HNRNPR: variants seen among roughly 807,000 people sequenced by gnomAD.
The protein encoded by HNRNPR is heterogeneous nuclear ribonucleoprotein R.
In HNRNPR, 4 loss-of-function variants were observed where a neutral mutation model predicts 70.3. The ratio of observed to expected loss-of-function variants is 0.06; its 90% CI spans 0.03 to 0.13. HNRNPR has a LOEUF of 0.13. Among genes scored for constraint, HNRNPR ranks in the 10% least tolerant of loss-of-function variants. HNRNPR has a pLI of 1.00. For synonymous variants in HNRNPR, 241 were observed against 267.6 expected (o/e 0.90, Z 0.97); for missense variants, 423 against 788.5 (o/e 0.54, Z 5.55).
Position 23,323,538 on chromosome 1 carries a change from T to C in HNRNPR, c.675+18A>G. 6.2e-6 allele frequency: 10 copies of C among 1,603,410 alleles called. No individual in the cohort carries two copies. Among genetic ancestry groups the C allele is most frequent in the Non-Finnish European group, 8.5e-6 (10 of 1,171,902 alleles). Reference sequence around the variant, plus strand: ...CTCAAATAGTGACTTGCTAAGACAGTGGATAATTATCACATACCAGTTTCA... The same window carrying C: ...CTCAAATAGTGACTTGCTAAGACAGCGGATAATTATCACATACCAGTTTCA... On this transcript the variant is annotated intron_variant, in intron 6 of 10. Transcript: ENST00000302271.
At chr1:23,337,997 G>A in intron 3 of HNRNPR, 136 bp from the exon 4 acceptor site, 1 of 641,786 alleles carries the variant, frequency 1.6e-6, no homozygotes, top group South Asian at 1.9e-5. Context: ...TATTTGCCGA[G>A]TGGTTACTAT....
chr1:23,344,027 G>C (rs189130538), intron 1 of HNRNPR, among the ~76,000 whole-genome samples, 184 bp downstream of exon 1: 26 of 152,152 alleles, frequency 1.7e-4, no homozygotes, highest in African/African-American at 5.5e-4. Context: ...GGCGAGAAGC[G>C]TTTCGGCCGG....
At position 23,305,910 on chromosome 1, in the gene HNRNPR, T is replaced by A. The variant is rs1645196109; in HGVS notation, c.*4544A>T. On this transcript the variant is annotated 3_prime_UTR_variant, in exon 11 of 11. Transcript: ENST00000302271. ...TTATTGTCAAACTGCTAAAACTTTT[T>A]AAAGTTTCATTTTACAGTGTTAAGA... 1 of 152,232 alleles carries A rather than the reference T, an allele frequency of 6.6e-6. No individual in the cohort carries two copies. Among genetic ancestry groups the A allele is most frequent in the African/African-American group, 2.4e-5 (1 of 41,466 alleles). 9.4% of individuals were successfully genotyped at this position (152,232 alleles called of 1,614,324 possible).
intron 1 of HNRNPR, among the ~76,000 whole-genome samples, chr1:23,341,962 G>A (rs892606826): frequency 1.3e-5 from 2 of 152,312 alleles, no homozygotes; most frequent in South Asian, 2.1e-4. Context: ...AGGCCAGTCT[G>A]TGTACTGCCT....
At position 23,310,151 on chromosome 1, in the gene HNRNPR, A is replaced by C. The variant is rs188993490; in HGVS notation, c.*303T>G. 1.2e-4 allele frequency: 28 copies of C among 225,648 alleles called. No homozygotes were observed. The highest frequency in any genetic ancestry group is 5.7e-4 in the African/African-American group (25 of 43,866). 14.0% of individuals were successfully genotyped at this position (225,648 alleles called of 1,614,324 possible). Reference sequence around the variant, plus strand: ...AACTGTCCAAAACCAAAGGTTCTGCAAAATCATGATTTAACAGTGTGCCCA... The same window carrying C: ...AACTGTCCAAAACCAAAGGTTCTGCCAAATCATGATTTAACAGTGTGCCCA... On this transcript the variant is annotated 3_prime_UTR_variant, in exon 11 of 11. Coordinates refer to ENST00000302271, the MANE Select transcript of HNRNPR (RefSeq NM_005826.5). The surrounding 1 kb of genome is among the most constrained non-coding windows in gnomAD (Gnocchi z 6.0).
At chr1:23,337,705 C>A in intron 4 of HNRNPR, 49 bp downstream of exon 4, 1 of 1,052,492 alleles carries the variant, frequency 9.5e-7, no homozygotes, top group Non-Finnish European at 1.4e-6. Context: ...AGGCATTTGA[C>A]CTCATCATTA....
Position 23,305,616 on chromosome 1 carries a change from T to C in HNRNPR, c.*4838A>G, listed in dbSNP as rs1390284288. The C allele has an allele frequency of 1.3e-5, 2 of 152,186 alleles. No individual in the cohort carries two copies. The highest frequency in any genetic ancestry group is 2.9e-5 in the Non-Finnish European group (2 of 68,010). 9.4% of individuals were successfully genotyped at this position (152,186 alleles called of 1,614,324 possible). ...ATATGGTATGGTCAGAAATGCCTAG[T>C]TACTAAATTTAATTTCAATCTATAC... On this transcript the variant is annotated 3_prime_UTR_variant, in exon 11 of 11. Coordinates refer to ENST00000302271, the MANE Select transcript of HNRNPR (RefSeq NM_005826.5).
chr1:23,321,625 T>G lies in HNRNPR; in HGVS notation c.714A>C (p.Gly238=). The G allele has an allele frequency of 1.9e-6, 3 of 1,612,534 alleles. No individual in the cohort carries two copies. Among genetic ancestry groups the G allele is most frequent in the Non-Finnish European group, 2.5e-6 (3 of 1,179,074 alleles). ...TGTTGTTTGCCACAGAAATGCACAC[T>G]CCAAGGTGTTTACCAGGGCGAATTT... ...SYEIRPGKHL[G]VCISVANNRL... The change falls in exon 7 of 11, where the codon GGA becomes GGC. Residue 238 remains glycine (G), a synonymous_variant. Coordinates refer to ENST00000302271, the MANE Select transcript of HNRNPR (RefSeq NM_005826.5).
intron 1 of HNRNPR, among the ~76,000 whole-genome samples, chr1:23,343,798 T>A (rs1248777729): frequency 6.7e-6 from 1 of 149,616 alleles, no homozygotes; most frequent in African/African-American, 2.4e-5. Context: ...GTCCGGATCA[T>A]CAGCACATCC....
intron 7 of HNRNPR, among the ~76,000 whole-genome samples, chr1:23,321,109 GC>G (rs1389476406): frequency 6.9e-6 from 1 of 145,290 alleles, no homozygotes; most frequent in Non-Finnish European, 1.5e-5. Context: ...GTTGCAGTGA[GC>G]CGAGATCGTA....
rs3820017 is a variant in HNRNPR at position 23,340,182 on chromosome 1, A to G, written c.157+670T>C. ...CTATGTCCCCAAAGGAGGAGGACAC[A>G]TTCATTTATGAACAACGCTCCCTAA... On this transcript the variant is annotated intron_variant, in intron 2 of 10. Transcript: ENST00000302271. Among the ~76,000 whole-genome samples, 10 of 152,300 alleles carry G rather than the reference A, an allele frequency of 6.6e-5. No individual in the cohort carries two copies. The East Asian group carries it at 1.7e-3, about 26-fold the overall frequency.
intron 6 of HNRNPR, among the ~76,000 whole-genome samples, chr1:23,322,483 G>A (rs536147539): frequency 6.6e-6 from 1 of 152,300 alleles, no homozygotes. Context: ...TGATCTGCCT[G>A]CCTCAGCCTC....
rs967332571 is a variant in HNRNPR, at chr1:23,307,357, A to G, written c.*3097T>C. The stretch of plus-strand genomic sequence containing the variant: ...CCTTCTCTTTTAGAATTTAAAATAT[A>G]TAATTTATTTTTTTGCATGCTGACC... On this transcript the variant is annotated 3_prime_UTR_variant, in exon 11 of 11. Coordinates refer to ENST00000302271, the MANE Select transcript of HNRNPR (RefSeq NM_005826.5). 13 of 152,044 alleles carry G rather than the reference A, an allele frequency of 8.6e-5. No homozygotes were observed. Among genetic ancestry groups the G allele is most frequent in the African/African-American group, 2.9e-4 (12 of 41,440 alleles). The allele number at this position is 152,044 out of a possible 1,614,324, so 9.4% of individuals were successfully genotyped here.
At chr1:23,342,055 C>CA (rs1646723237) in intron 1 of HNRNPR, among the ~76,000 whole-genome samples, 1 of 152,114 alleles carries the variant, frequency 6.6e-6, no homozygotes, top group Non-Finnish European at 1.5e-5. Flanking sequence ...CAAGACATTG[C>CA]AACACATACT....
intron 5 of HNRNPR, 73 bp downstream of exon 5, chr1:23,333,445 T>C (rs753236017): frequency 6.9e-6 from 6 of 871,140 alleles, no homozygotes; most frequent in Non-Finnish European, 1.2e-5. Flanking sequence ...CCCCCGTCTG[T>C]ACAGTATCTG....
chr1:23,333,892 C>G (rs1220300737), intron 4 of HNRNPR, among the ~76,000 whole-genome samples: 4 of 152,002 alleles, frequency 2.6e-5, no homozygotes, highest in African/African-American at 9.7e-5. Context: ...TACTATTACT[C>G]ACATCCATTT....
chr1:23,323,401 G>A (rs2148387124), intron 6 of HNRNPR, among the ~76,000 whole-genome samples, 155 bp downstream of exon 6: 1 of 152,254 alleles, frequency 6.6e-6, no homozygotes, highest in South Asian at 2.1e-4. Flanking sequence ...TTTATAGTCA[G>A]AGAAAAATAA....
At chr1:23,319,908 T>C (rs1166316911) in intron 7 of HNRNPR, among the ~76,000 whole-genome samples, 4 of 152,236 alleles carry the variant, frequency 2.6e-5, no homozygotes, top group African/African-American at 7.2e-5. Context: ...CTTCAGGTGC[T>C]GGTTGACATG....
chr1:23,310,908 C>T lies in HNRNPR; in HGVS notation c.1448G>A (p.Arg483His), dbSNP rs769056626. Residue 483 changes from arginine to histidine, a missense_variant, in exon 11 of 11, where the codon CGT becomes CAT. Around this residue, in one of 7 missense-constraint regions of HNRNPR, gnomAD observed 169 missense variants for 195.6 expected, o/e 0.86. Transcript: ENST00000302271. The surrounding 1 kb of genome is among the most constrained non-coding windows in gnomAD (Gnocchi z 6.0). ...GTAGTAGGGATCTTCATAGCCTCCA[C>T]GATAGTCGTGATAATCATAACCATA... Reference protein sequence around the residue: ...DYYGYDYHDYRGGYEDPYYGY... With the variant: ...DYYGYDYHDYHGGYEDPYYGY... 9 of 1,614,146 alleles carry T rather than the reference C, an allele frequency of 5.6e-6. No homozygotes were observed. Among genetic ancestry groups the T allele is most frequent in the Admixed American group, 1.7e-5 (1 of 60,026 alleles).
Sources: allele counts gnomAD v4.1 joint callset (sites outside exome capture counted in the v4.1 genomes callset), GRCh38; gene constraint gnomAD v4.1.1; regional missense constraint gnomAD v4.1.1; non-coding constraint Gnocchi (gnomAD v3.1); transcripts MANE v1.5; gene names NCBI Gene and HGNC (gene_info 2026-07-23, HGNC 2026-07-21).